Variants in CSMD3 observed in about 807,000 individuals in gnomAD.
CSMD3 encodes CUB and Sushi multiple domains 3, also known as CUB and sushi domain-containing protein 3.
Under a neutral mutation model 435.2 loss-of-function variants are expected in CSMD3, and 177 were observed. The observed-to-expected ratio is 0.41, with a 90% confidence interval of 0.36 to 0.46. The LOEUF (loss-of-function observed/expected upper bound fraction) is 0.46. Ranked by LOEUF, CSMD3 falls within the 20% of genes least tolerant of loss-of-function variation. The pLI is 0.34. For missense variants in CSMD3, 4,265 were observed against 4,504.6 expected, an observed-to-expected ratio of 0.95 and a Z score of 1.52; for synonymous variants, 1,656 against 1,520.5, an observed-to-expected ratio of 1.09 and a Z score of -2.07.
chr8:112,687,213 T>C (rs1222763087), intron 14 of CSMD3, among the ~76,000 whole-genome samples: 3 of 151,962 alleles, frequency 2.0e-5, no homozygotes, highest in African/African-American at 4.8e-5. Flanking sequence ...GTATAAAATA[T>C]TGTGATTATT....
chr8:112,831,683 AC>A, intron 11 of CSMD3, among the ~76,000 whole-genome samples: 1 of 151,560 alleles, frequency 6.6e-6, no homozygotes, highest in East Asian at 1.9e-4. Context: ...TTTTCCTCAG[AC>A]TGCTTGTCTA....
chr8:113,436,618 C>G (rs2130147942), intron 1 of CSMD3, 59 bp downstream of exon 1: 1 of 1,475,172 alleles, frequency 6.8e-7, no homozygotes, highest in Non-Finnish European at 9.5e-7. Context: ...CAGCCTCTCT[C>G]CATCTACAAG....
At chr8:112,828,548 T>A (rs556173077) in intron 12 of CSMD3, among the ~76,000 whole-genome samples, 1 of 152,302 alleles carries the variant, frequency 6.6e-6, no homozygotes, top group South Asian at 2.1e-4. Flanking sequence ...CCATTGTAAG[T>A]TTCCCGAGGT....
chr8:112,474,737 G>A lies in CSMD3; in HGVS notation c.5279-2030C>T, dbSNP rs533898983. ...AAGTAAAAATTTGTAATTAATTATT[G>A]ATCAAAGTTTTAAAATAGAGCAATA... On this transcript the variant is annotated intron_variant, in intron 31 of 70. Transcript: ENST00000297405. Among the ~76,000 whole-genome samples, 979 of 152,146 alleles carry A rather than the reference G, an allele frequency of 6.4e-3. 9 individuals carry two copies. The highest frequency in any genetic ancestry group is 0.023 in the African/African-American group (937 of 41,528).
intron 5 of CSMD3, among the ~76,000 whole-genome samples, chr8:113,041,217 A>AAAAAAAAAAAGGG (rs1564244286): frequency 4.7e-5 from 1 of 21,498 alleles, no homozygotes; most frequent in Non-Finnish European, 9.5e-5. Flanking sequence ...AAAAAAAAAA[A>AAAAAAAAAAAGGG]GGGGGGGGTG....
chr8:113,138,866 T>C (rs1248819351), intron 4 of CSMD3, among the ~76,000 whole-genome samples: 1 of 150,866 alleles, frequency 6.6e-6, no homozygotes, highest in African/African-American at 2.4e-5. Context: ...TACATATATC[T>C]GAATATATGT....
chr8:113,199,816 C>T (rs1463982133), intron 3 of CSMD3, among the ~76,000 whole-genome samples: 1 of 151,616 alleles, frequency 6.6e-6, no homozygotes, highest in African/African-American at 2.4e-5. Context: ...AAATGGAATA[C>T]ATTAAAAAAA....
intron 13 of CSMD3, among the ~76,000 whole-genome samples, chr8:112,742,831 G>T (rs1773810834): frequency 6.6e-6 from 1 of 151,970 alleles, no homozygotes; most frequent in South Asian, 2.1e-4. Context: ...TACTGAGTAT[G>T]ATTGACACAA....
At chr8:112,921,032 CACATAT>C (rs2082728314) in intron 10 of CSMD3, among the ~76,000 whole-genome samples, 1 of 137,810 alleles carries the variant, frequency 7.3e-6, no homozygotes, top group African/African-American at 2.6e-5. Flanking sequence ...CACACACACA[CACATAT>C]ATATACCTCC....
intron 2 of CSMD3, among the ~76,000 whole-genome samples, 162 bp from the exon 3 acceptor site, chr8:113,278,866 A>G (rs1455372266): frequency 6.6e-6 from 1 of 151,668 alleles, no homozygotes; most frequent in Non-Finnish European, 1.5e-5. Flanking sequence ...GCCCAGTTAA[A>G]CTCATTTTGG....
At chr8:112,911,846 AT>A (rs2130542753) in intron 10 of CSMD3, among the ~76,000 whole-genome samples, 1 of 147,964 alleles carries the variant, frequency 6.8e-6, no homozygotes, top group South Asian at 2.1e-4. Context: ...TATATATAAA[AT>A]AAATATAAGA....
At chr8:113,196,208 T>C (rs1401132244) in intron 3 of CSMD3, among the ~76,000 whole-genome samples, 1 of 151,052 alleles carries the variant, frequency 6.6e-6, no homozygotes, top group Non-Finnish European at 1.5e-5. Flanking sequence ...TATAGAGTCA[T>C]GGGGCCACAA....
Position 113,098,765 on chromosome 8 carries a change from G to T in CSMD3, c.908C>A (p.Pro303His), listed in dbSNP as rs2131545915. Residue 303 changes from proline to histidine, a missense_variant, in exon 5 of 71, where the codon CCT becomes CAT. Around this residue, in one of 3 missense-constraint regions of CSMD3, gnomAD observed 731 missense variants for 755.4 expected, o/e 0.97. Coordinates refer to ENST00000297405, the MANE Select transcript of CSMD3 (RefSeq NM_198123.2). ...GAAGCTATTTACTTACCATATGGTA[G>T]GTGGCTCAGAACCTTCTATTTCTAA... ...DYLEIEGSEPPTIWLSGMNIP... is the reference protein window; with the variant it reads ...DYLEIEGSEPHTIWLSGMNIP... 6.3e-7 allele frequency: 1 copy of T among 1,598,746 alleles called. No homozygotes were observed. The highest frequency in any genetic ancestry group is 8.6e-7 in the Non-Finnish European group (1 of 1,166,398).
intron 28 of CSMD3, among the ~76,000 whole-genome samples, chr8:112,509,448 A>G (rs192680834): frequency 1.7e-4 from 26 of 152,216 alleles, no homozygotes; most frequent in Non-Finnish European, 3.1e-4. Flanking sequence ...CATTGCCCCA[A>G]TACAAACATT....
rs960343698 is a variant in CSMD3, at chr8:113,391,161, CA to C, written c.178+45515del. Among the ~76,000 whole-genome samples the C allele has an allele frequency of 6.0e-4, 91 of 151,756 alleles. 2 individuals carry two copies. Among genetic ancestry groups the C allele is most frequent in the Non-Finnish European group, 3.1e-4 (21 of 67,898 alleles). On this transcript the variant is annotated intron_variant, in intron 1 of 70. Transcript: ENST00000297405. ...TATGTACATGGTTACATAGATTCAC[CA>C]AAAATATCTTCAAATATTAAGATTA...
chr8:112,773,550 C>G (rs2078173309), intron 13 of CSMD3, among the ~76,000 whole-genome samples: 1 of 151,984 alleles, frequency 6.6e-6, no homozygotes, highest in African/African-American at 2.4e-5. Flanking sequence ...AGCAAGACAA[C>G]AGTGAAGGAG....
At chr8:113,433,065 G>T (rs1054237260) in intron 1 of CSMD3, among the ~76,000 whole-genome samples, 2 of 152,190 alleles carry the variant, frequency 1.3e-5, no homozygotes, top group Admixed American at 1.3e-4. Context: ...ATAGATGTAA[G>T]GGAGGGGCGC....
At chr8:112,800,361 C>T (rs1011407228) in intron 12 of CSMD3, 87 bp from the exon 13 acceptor site, 2 of 907,448 alleles carry the variant, frequency 2.2e-6, no homozygotes, top group Admixed American at 3.6e-5. Flanking sequence ...TTTCTCAATA[C>T]TTTCTTTGCT....
chr8:113,153,125 G>A (rs200370982), intron 4 of CSMD3, among the ~76,000 whole-genome samples: 786 of 59,412 alleles, frequency 0.013, 5 homozygotes, highest in East Asian at 0.038. Flanking sequence ...AAGAAAGAAA[G>A]AGAAAGAAGG....
Sources: gnomAD v4.1 joint callset for allele counts (sites outside exome capture counted in the v4.1 genomes callset) on GRCh38, gnomAD v4.1.1 for gene constraint, gnomAD v4.1.1 regional missense constraint, MANE v1.5 for transcripts, NCBI Gene and HGNC (gene_info 2026-07-23, HGNC 2026-07-21) for gene names.